Variants in TSPEAR observed in about 807,000 individuals in gnomAD.
TSPEAR encodes the protein thrombospondin-type laminin G domain and EAR repeat-containing protein.
A neutral mutation model predicts 71.6 loss-of-function variants in TSPEAR; 69 were observed. That is an observed-to-expected ratio of 0.96 (90% CI 0.79 to 1.18). The LOEUF (loss-of-function observed/expected upper bound fraction) is 1.18, where lower values mean the gene tolerates loss of function less well. TSPEAR is among the 50% of genes most tolerant of loss of function. The pLI is 0.00. For synonymous variants in TSPEAR, 402 were observed against 387.2 expected (o/e 1.04, Z -0.45); for missense variants, 971 against 894.9 (o/e 1.09, Z -1.09).
In TSPEAR at chr21:44,511,319, CTGCA is replaced by C. The variant is rs76181679; in HGVS notation, c.1567-1937_1567-1934del. 2.5e-3 allele frequency among the ~76,000 whole-genome samples: 385 copies of C among 152,224 alleles called. 1 individual carries two copies. Among genetic ancestry groups the C allele is most frequent in the Non-Finnish European group, 3.8e-3 (261 of 68,002 alleles). On this transcript the variant is annotated intron_variant, in intron 9 of 11. Coordinates refer to ENST00000323084, the MANE Select transcript of TSPEAR (RefSeq NM_144991.3). ...ACTGTGCGCACACACACATGCACGCCTGCATGCATGCATACACACACAAACATGC... is the reference window on the plus strand; with the variant it reads ...ACTGTGCGCACACACACATGCACGCCTGCATGCATACACACACAAACATGC...
At chr21:44,646,934 C>T (rs1984443357) in intron 1 of TSPEAR, 11 of 1,612,652 alleles carry the variant, frequency 6.8e-6, no homozygotes, top group Non-Finnish European at 9.3e-6. Context: ...TGCTGTGTGT[C>T]CACCTGCTCT....
In TSPEAR at chr21:44,546,397, C is replaced by T. The variant is rs755647769; in HGVS notation, c.304-12474G>A. 9.2e-5 allele frequency among the ~76,000 whole-genome samples: 14 copies of T among 152,186 alleles called. No homozygotes were observed. Among genetic ancestry groups the T allele is most frequent in the South Asian group, 2.1e-4 (1 of 4,830 alleles). On this transcript the variant is annotated intron_variant, in intron 2 of 11. Transcript: ENST00000323084. The surrounding 1 kb of genome is among the most constrained non-coding windows in gnomAD (Gnocchi z 4.4). ...TTGCCCAGGCTGGAGTGCAGTGGTGCGATCTCTGCTCACTGCAAGCTCCGC... is the reference window on the plus strand; with the variant it reads ...TTGCCCAGGCTGGAGTGCAGTGGTGTGATCTCTGCTCACTGCAAGCTCCGC...
At chr21:44,501,514 G>A (rs781921773) in intron 11 of TSPEAR, among the ~76,000 whole-genome samples, 4 of 152,168 alleles carry the variant, frequency 2.6e-5, no homozygotes, top group Non-Finnish European at 5.9e-5. Context: ...AGAGAATGGC[G>A]TGAACCCAGG....
chr21:44,697,143 ACACT>A lies in TSPEAR; in HGVS notation c.82+14286_82+14289del, dbSNP rs1175321014. 3 of 1,586,824 alleles carry A rather than the reference ACACT, an allele frequency of 1.9e-6. No homozygotes were observed. The African/African-American group carries it at 4.0e-5, about 21-fold the overall frequency. On this transcript the variant is annotated intron_variant, in intron 1 of 11. Transcript: ENST00000323084. ...TCCCTCCTTCCCATCCAGCACCCAGACACTCACTGTCTCCCTCTCAGCTCCCCCA... is the reference window on the plus strand; with the variant it reads ...TCCCTCCTTCCCATCCAGCACCCAGACACTGTCTCCCTCTCAGCTCCCCCA...
intron 1 of TSPEAR, among the ~76,000 whole-genome samples, chr21:44,688,317 C>T (rs1205112575): frequency 6.6e-6 from 1 of 152,138 alleles, no homozygotes; most frequent in Non-Finnish European, 1.5e-5. Flanking sequence ...AGTGTGGCTG[C>T]CCCAGGGCAG....
intron 10 of TSPEAR, among the ~76,000 whole-genome samples, chr21:44,507,258 T>G (rs2052224616): frequency 6.6e-6 from 1 of 152,188 alleles, no homozygotes. Flanking sequence ...TCCAGAGTTG[T>G]CTGCAGCCAT....
chr21:44,527,532 CGTT>C lies in TSPEAR; in HGVS notation c.923-17_923-15del. 3.7e-6 allele frequency: 6 copies of C among 1,611,844 alleles called. No homozygotes were observed. Among genetic ancestry groups the C allele is most frequent in the Non-Finnish European group, 5.1e-6 (6 of 1,177,912 alleles). ...GTCTTTCTTTGGCTTGTGATAGAAA[CGTT>C]GTGACTCGGTTAAGATTTCCGAGAA... On this transcript the variant is annotated splice_polypyrimidine_tract_variant and intron_variant, in intron 6 of 11. Coordinates refer to ENST00000323084, the MANE Select transcript of TSPEAR (RefSeq NM_144991.3).
chr21:44,592,584 CT>C, intron 1 of TSPEAR: 1 of 1,510,706 alleles, frequency 6.6e-7, no homozygotes, highest in African/African-American at 1.4e-5. Context: ...GGGCCCACAG[CT>C]TCCCCTTCCG....
At position 44,539,746 on chromosome 21, in the gene TSPEAR, G is replaced by A. The variant is rs1177681687; in HGVS notation, c.304-5823C>T. The A allele has an allele frequency of 4.3e-6, 7 of 1,612,552 alleles. No homozygotes were observed. In the African/African-American group the frequency reaches 5.4e-5, roughly 12 times the overall value. On this transcript the variant is annotated intron_variant, in intron 2 of 11. Transcript: ENST00000323084. The stretch of plus-strand genomic sequence containing the variant: ...GCACACAGCAGGACTGCTGGCTGGA[G>A]GAAGAGGCACAGCAAGTTGGCTGGC...
intron 1 of TSPEAR, among the ~76,000 whole-genome samples, chr21:44,673,797 T>C (rs1042732950): frequency 1.3e-5 from 2 of 151,982 alleles, no homozygotes; most frequent in South Asian, 2.1e-4. Context: ...TAGATATTAA[T>C]AACAAGAAGA....
intron 1 of TSPEAR, chr21:44,646,983 G>A (rs1555940122): frequency 6.2e-7 from 1 of 1,613,484 alleles, no homozygotes; most frequent in Non-Finnish European, 8.5e-7. Context: ...CTAGCTGCCA[G>A]CCAGCTTGCT....
At chr21:44,622,253 C>T (rs463741) in intron 1 of TSPEAR, among the ~76,000 whole-genome samples, 34,256 of 152,038 alleles carry the variant, frequency 0.23, 4,775 homozygotes, top group Admixed American at 0.31. Flanking sequence ...TTTGCTGATA[C>T]GTTTGAGCTT....
chr21:44,676,723 T>C (rs1986329200), intron 1 of TSPEAR: 1 of 780,082 alleles, frequency 1.3e-6, no homozygotes, highest in Non-Finnish European at 2.4e-6. Context: ...CTCCATGGCA[T>C]CTCTGACTTC....
At chr21:44,701,783 G>A (rs536449875) in intron 1 of TSPEAR, among the ~76,000 whole-genome samples, 3 of 152,192 alleles carry the variant, frequency 2.0e-5, no homozygotes, top group East Asian at 3.9e-4. Flanking sequence ...ACTCCCCTCC[G>A]GCTGTAAAGC....
chr21:44,533,028 A>G (rs1359663731), intron 3 of TSPEAR, among the ~76,000 whole-genome samples: 2 of 152,212 alleles, frequency 1.3e-5, no homozygotes, highest in Non-Finnish European at 2.9e-5. Context: ...CCCTCCCCAC[A>G]GTGCCGGTCC....
chr21:44,599,717 A>C (rs1980648341), intron 1 of TSPEAR, among the ~76,000 whole-genome samples: 1 of 152,274 alleles, frequency 6.6e-6, no homozygotes, highest in African/African-American at 2.4e-5. Flanking sequence ...TGTGGTGGCC[A>C]ATTGGATATT....
intron 1 of TSPEAR, among the ~76,000 whole-genome samples, chr21:44,655,919 A>G (rs1555942493): frequency 2.0e-5 from 3 of 152,114 alleles, no homozygotes; most frequent in Non-Finnish European, 4.4e-5. Context: ...AGAAGCCTTC[A>G]GACAAGTCAG....
intron 1 of TSPEAR, among the ~76,000 whole-genome samples, chr21:44,704,300 A>T (rs1320479903): frequency 6.6e-6 from 1 of 151,024 alleles, no homozygotes; most frequent in African/African-American, 2.4e-5. Context: ...GGGTGAGAGA[A>T]GCCAGTTTCC....
intron 1 of TSPEAR, among the ~76,000 whole-genome samples, chr21:44,570,419 C>T (rs1391515452): frequency 2.0e-5 from 3 of 152,212 alleles, no homozygotes; most frequent in African/African-American, 7.2e-5. Context: ...GGATGTTGAC[C>T]TGCCCTCACA....
Sources: allele counts gnomAD v4.1 joint callset (sites outside exome capture counted in the v4.1 genomes callset), GRCh38; gene constraint gnomAD v4.1.1; non-coding constraint Gnocchi (gnomAD v3.1); transcripts MANE v1.5; gene names NCBI Gene and HGNC (gene_info 2026-07-23, HGNC 2026-07-21).